Variants in GPR39 observed in about 807,000 individuals in gnomAD.
GPR39 encodes zinc sensing receptor.
GPR39 carries 23 observed loss-of-function variants against 18.4 expected under a neutral mutation model. That is an observed-to-expected ratio of 1.25 (90% confidence interval 0.90 to 1.77). GPR39 has a LOEUF of 1.77. Among genes scored for constraint, GPR39 ranks in the 40% most tolerant of loss-of-function variants. GPR39 has a pLI of 0.00. For missense variants in GPR39, 647 were observed against 602.4 expected (o/e 1.07, Z -0.78); for synonymous variants, 280 against 257.9 (o/e 1.09, Z -0.82).
intron 1 of GPR39, among the ~76,000 whole-genome samples, chr2:132,529,085 G>A (rs1277140666): frequency 6.6e-6 from 1 of 152,158 alleles, no homozygotes; most frequent in African/African-American, 2.4e-5. Flanking sequence ...AGCACAAGGG[G>A]TCAGGGAATT....
intron 1 of GPR39, among the ~76,000 whole-genome samples, chr2:132,507,688 G>T (rs944102107): frequency 2.0e-5 from 3 of 152,276 alleles, no homozygotes; most frequent in South Asian, 4.1e-4. Flanking sequence ...GTCACAGACC[G>T]CCCATACCTC....
intron 1 of GPR39, among the ~76,000 whole-genome samples, chr2:132,589,686 A>G (rs908045024): frequency 2.0e-5 from 3 of 152,136 alleles, no homozygotes; most frequent in South Asian, 2.1e-4. Flanking sequence ...CTGAAAGCCT[A>G]TTTGGTTTTA....
intron 1 of GPR39, among the ~76,000 whole-genome samples, chr2:132,607,943 G>A (rs912811005): frequency 6.6e-6 from 1 of 152,136 alleles, no homozygotes; most frequent in Non-Finnish European, 1.5e-5. Context: ...TTAAAACCCA[G>A]AAATAGCTAG....
chr2:132,453,917 T>A (rs1216597292), intron 1 of GPR39, among the ~76,000 whole-genome samples: 1 of 152,240 alleles, frequency 6.6e-6, no homozygotes, highest in Non-Finnish European at 1.5e-5. Flanking sequence ...GGTAGTGTGA[T>A]GCCTCCAGCT....
At chr2:132,592,834 C>T (rs1680870731) in intron 1 of GPR39, among the ~76,000 whole-genome samples, 1 of 152,098 alleles carries the variant, frequency 6.6e-6, no homozygotes, top group Non-Finnish European at 1.5e-5. Context: ...CACCAGGTAC[C>T]TGGGGTTGGG....
intron 1 of GPR39, among the ~76,000 whole-genome samples, chr2:132,502,475 A>G (rs1679062465): frequency 6.6e-6 from 1 of 152,150 alleles, no homozygotes; most frequent in African/African-American, 2.4e-5. Context: ...AGGTTACCTG[A>G]TGCTTTTGCC....
At chr2:132,590,979 C>T (rs1019140657) in intron 1 of GPR39, among the ~76,000 whole-genome samples, 6 of 151,860 alleles carry the variant, frequency 4.0e-5, no homozygotes, top group East Asian at 1.9e-4. Flanking sequence ...AGGCCGGGCG[C>T]GGTGGCTCAC....
chr2:132,610,115 T>G lies in GPR39; in HGVS notation c.857-34986T>G, dbSNP rs13431731. Among the ~76,000 whole-genome samples, 1,487 of 152,264 alleles carry G rather than the reference T, an allele frequency of 9.8e-3. 18 individuals carry two copies. The highest frequency in any genetic ancestry group is 0.034 in the African/African-American group (1,418 of 41,542). On this transcript the variant is annotated intron_variant, in intron 1 of 1. Coordinates refer to ENST00000329321, the MANE Select transcript of GPR39 (RefSeq NM_001508.3). Reference sequence around the variant, plus strand: ...ATGCATGGAATGGTCTGGTTACTTATCTGTCTCATCCACAGTTTGCTGAAT... The same window carrying G: ...ATGCATGGAATGGTCTGGTTACTTAGCTGTCTCATCCACAGTTTGCTGAAT...
At chr2:132,495,392 GC>G in intron 1 of GPR39, among the ~76,000 whole-genome samples, 1 of 152,216 alleles carries the variant, frequency 6.6e-6, no homozygotes, top group Non-Finnish European at 1.5e-5. Context: ...TGTTGAGGTC[GC>G]TTTGTAGATT....
chr2:132,580,653 C>T (rs918034036), intron 1 of GPR39, among the ~76,000 whole-genome samples: 1 of 152,150 alleles, frequency 6.6e-6, no homozygotes, highest in Admixed American at 6.5e-5. Context: ...ATTATTCCTT[C>T]TGTTTAGACA....
chr2:132,477,971 A>G (rs1681159495), intron 1 of GPR39, among the ~76,000 whole-genome samples: 1 of 152,246 alleles, frequency 6.6e-6, no homozygotes, highest in South Asian at 2.1e-4. Context: ...CTAATTTAAA[A>G]TCAATACCAT....
intron 1 of GPR39, among the ~76,000 whole-genome samples, chr2:132,636,114 C>A (rs759862331): frequency 6.6e-5 from 10 of 152,190 alleles, no homozygotes; most frequent in Non-Finnish European, 1.2e-4. Flanking sequence ...ACTTTCTTGC[C>A]TTTAGTCCTT....
intron 1 of GPR39, among the ~76,000 whole-genome samples, chr2:132,486,652 A>C (rs940123745): frequency 3.3e-5 from 5 of 152,200 alleles, no homozygotes; most frequent in Admixed American, 1.3e-4. Context: ...TTTCTTCTGT[A>C]GTTTCCTTAC....
intron 1 of GPR39, among the ~76,000 whole-genome samples, chr2:132,577,607 T>G (rs1249469153): frequency 1.3e-5 from 2 of 152,212 alleles, no homozygotes; most frequent in Non-Finnish European, 2.9e-5. Context: ...ATATGATTTG[T>G]TGGATTTATA....
intron 1 of GPR39, among the ~76,000 whole-genome samples, chr2:132,540,362 G>C (rs532709650): frequency 2.6e-5 from 4 of 152,162 alleles, no homozygotes; most frequent in African/African-American, 9.7e-5. Context: ...ACTCTGGGGA[G>C]AGCGACGGTC....
chr2:132,515,108 AG>A (rs1679308801), intron 1 of GPR39, among the ~76,000 whole-genome samples: 1 of 152,212 alleles, frequency 6.6e-6, no homozygotes, highest in African/African-American at 2.4e-5. Context: ...TATTGGTGGC[AG>A]GGGCCAGTTC....
At chr2:132,521,311 G>A (rs559863486) in intron 1 of GPR39, among the ~76,000 whole-genome samples, 2 of 152,308 alleles carry the variant, frequency 1.3e-5, no homozygotes, top group African/African-American at 4.8e-5. Flanking sequence ...TAGATACTGG[G>A]CGGGCAACTG....
intron 1 of GPR39, among the ~76,000 whole-genome samples, chr2:132,489,931 T>C (rs1681423826): frequency 6.6e-6 from 1 of 151,886 alleles, no homozygotes; most frequent in African/African-American, 2.4e-5. Context: ...GCCCAGGAGC[T>C]TGCAGGCAGA....
rs985115639 is a variant in GPR39, at chr2:132,579,790, C to T, written c.857-65311C>T. 1.5e-4 allele frequency among the ~76,000 whole-genome samples: 23 copies of T among 152,128 alleles called. No homozygotes were observed. In the East Asian group the frequency reaches 4.4e-3, roughly 29 times the overall value. Reference sequence around the variant, plus strand: ...TGTTGACAAATTATATAATTTTCTCCTCTGACTTATCCTTAAATGTTTCTT... The same window carrying T: ...TGTTGACAAATTATATAATTTTCTCTTCTGACTTATCCTTAAATGTTTCTT... On this transcript the variant is annotated intron_variant, in intron 1 of 1. Transcript: ENST00000329321.
Sources: gnomAD v4.1 joint callset for allele counts (sites outside exome capture counted in the v4.1 genomes callset) on GRCh38, gnomAD v4.1.1 for gene constraint, MANE v1.5 for transcripts, NCBI Gene and HGNC (gene_info 2026-07-23, HGNC 2026-07-21) for gene names.